Variants in CDYL observed in about 807,000 individuals in gnomAD.
The protein encoded by CDYL is chromodomain Y like.
In CDYL, 8 loss-of-function variants were observed where a neutral mutation model predicts 47.3. The ratio of observed to expected loss-of-function variants is 0.17; its 90% CI spans 0.10 to 0.31. CDYL has a LOEUF of 0.31. Ranked by LOEUF, CDYL falls within the 10% of genes least tolerant of loss-of-function variation. The pLI, the probability that CDYL is intolerant of heterozygous loss-of-function variation, is 1.00. For synonymous variants in CDYL, 266 were observed against 265.0 expected, an observed-to-expected ratio of 1.00 and a Z score of -0.04; for missense variants, 471 against 701.4, an observed-to-expected ratio of 0.67 and a Z score of 3.71.
At chr6:4,802,288 A>C (rs1759248405) in intron 1 of CDYL, among the ~76,000 whole-genome samples, 1 of 152,206 alleles carries the variant, frequency 6.6e-6, no homozygotes, top group Admixed American at 6.5e-5. Context: ...CTGTAATTCC[A>C]GCACTTTGAG....
At chr6:4,932,629 C>CT (rs1554109019) in intron 2 of CDYL, among the ~76,000 whole-genome samples, 1 of 152,226 alleles carries the variant, frequency 6.6e-6, no homozygotes, top group Non-Finnish European at 1.5e-5. Flanking sequence ...GGAGCTCTCA[C>CT]TTGGCATTAC....
chr6:4,904,112 G>A (rs1312753337), intron 2 of CDYL, among the ~76,000 whole-genome samples: 4 of 152,206 alleles, frequency 2.6e-5, no homozygotes, highest in South Asian at 2.1e-4. Context: ...ACCAGAGGCC[G>A]GGCCCCTCGC....
intron 1 of CDYL, among the ~76,000 whole-genome samples, chr6:4,795,885 CT>C (rs138085584): frequency 0.019 from 2,847 of 152,196 alleles, 106 homozygotes; most frequent in African/African-American, 0.065. Context: ...CTAAATGCAG[CT>C]TTTGCTGCAT....
chr6:4,779,114 T>C (rs1758544646), intron 1 of CDYL, among the ~76,000 whole-genome samples: 1 of 152,058 alleles, frequency 6.6e-6, no homozygotes. Context: ...AGGTATAGAG[T>C]TGTATTGTTT....
intron 1 of CDYL, among the ~76,000 whole-genome samples, chr6:4,843,586 G>A (rs539519657): frequency 7.8e-4 from 117 of 150,454 alleles, no homozygotes; most frequent in African/African-American, 2.7e-3. Context: ...AAGCTCTGAA[G>A]TTCTTTATTC....
chr6:4,734,936 A>G lies in CDYL; in HGVS notation c.186+92A>G. 3 of 1,551,556 alleles carry G rather than the reference A, an allele frequency of 1.9e-6. No homozygotes were observed. In the Admixed American group the frequency reaches 5.8e-5, roughly 30 times the overall value. On this transcript the variant is annotated intron_variant, in intron 3 of 8. Coordinates refer to the CDYL transcript ENST00000328908. Reference sequence around the variant, plus strand: ...TCGCCCCACACCACACTCTCCCTTTACATCTGTCCTGTGCTTGGGTCCCTT... The same window carrying G: ...TCGCCCCACACCACACTCTCCCTTTGCATCTGTCCTGTGCTTGGGTCCCTT...
At chr6:4,796,471 C>A (rs1202209444) in intron 1 of CDYL, among the ~76,000 whole-genome samples, 1 of 151,532 alleles carries the variant, frequency 6.6e-6, no homozygotes, top group East Asian at 1.9e-4. Flanking sequence ...TTTACTATAC[C>A]CTTCATTGTT....
intron 1 of CDYL, among the ~76,000 whole-genome samples, chr6:4,837,480 T>G (rs545901641): frequency 1.1e-4 from 17 of 151,352 alleles, no homozygotes; most frequent in African/African-American, 3.9e-4. Context: ...TTTTTTTTTT[T>G]TGGAGACAGA....
intron 1 of CDYL, among the ~76,000 whole-genome samples, chr6:4,781,048 A>G (rs1758605155): frequency 6.6e-6 from 1 of 152,168 alleles, no homozygotes; most frequent in Non-Finnish European, 1.5e-5. Flanking sequence ...AAATTTCAGT[A>G]AGCTCTCAAT....
At chr6:4,869,767 T>C (rs1053365634) in intron 1 of CDYL, among the ~76,000 whole-genome samples, 1 of 152,192 alleles carries the variant, frequency 6.6e-6, no homozygotes, top group African/African-American at 2.4e-5. Flanking sequence ...TTTATTCATA[T>C]TTATTATACA....
At chr6:4,894,943 G>GTGTA (rs1301233969) in intron 2 of CDYL, among the ~76,000 whole-genome samples, 7 of 15,328 alleles carry the variant, frequency 4.6e-4, no homozygotes, top group East Asian at 8.8e-3. Flanking sequence ...GTGTATATGT[G>GTGTA]TATGCATGTG....
At chr6:4,804,265 C>T (rs1321074539) in intron 1 of CDYL, among the ~76,000 whole-genome samples, 1 of 152,140 alleles carries the variant, frequency 6.6e-6, no homozygotes, top group Non-Finnish European at 1.5e-5. Flanking sequence ...GTTTCACCCA[C>T]GAGAATGGTG....
Position 4,907,385 on chromosome 6 carries a change from G to A in CDYL, c.691+15006G>A, listed in dbSNP as rs555354822. Reference sequence around the variant, plus strand: ...TTTCTTTTTTTCTGAGACAGGGTCCGGCTCCGTCTCATCCAGGCTGGAGTA... The same window carrying A: ...TTTCTTTTTTTCTGAGACAGGGTCCAGCTCCGTCTCATCCAGGCTGGAGTA... On this transcript the variant is annotated intron_variant, in intron 2 of 6. Transcript: ENST00000397588. Among the ~76,000 whole-genome samples the A allele has an allele frequency of 3.1e-4, 47 of 152,182 alleles. 1 individual carries two copies. Among genetic ancestry groups the A allele is most frequent in the Middle Eastern group, 6.8e-3 (2 of 294 alleles).
intron 2 of CDYL, among the ~76,000 whole-genome samples, chr6:4,930,912 G>T (rs534000313): frequency 5.0e-4 from 76 of 152,360 alleles, no homozygotes; most frequent in African/African-American, 1.7e-3. Context: ...TCAACGATGA[G>T]AGTCATCGTT....
chr6:4,949,820 C>T (rs888326260), intron 5 of CDYL, among the ~76,000 whole-genome samples: 1 of 152,206 alleles, frequency 6.6e-6, no homozygotes, highest in Non-Finnish European at 1.5e-5. Context: ...TTGTTGTTTT[C>T]TTGGGTGACT....
intron 3 of CDYL, among the ~76,000 whole-genome samples, chr6:4,738,884 G>A (rs966001569): frequency 7.9e-5 from 12 of 152,180 alleles, no homozygotes; most frequent in African/African-American, 2.2e-4. Context: ...CAATGTGGCC[G>A]GGCGCAGCGG....
chr6:4,740,996 A>T, intron 3 of CDYL, among the ~76,000 whole-genome samples: 1 of 152,266 alleles, frequency 6.6e-6, no homozygotes, highest in Non-Finnish European at 1.5e-5. Context: ...CATGTTGGCC[A>T]GGCTGGTCTC....
chr6:4,739,186 A>T (rs1384458101), intron 3 of CDYL, among the ~76,000 whole-genome samples: 2 of 144,962 alleles, frequency 1.4e-5, no homozygotes, highest in African/African-American at 4.9e-5. Context: ...AAATAATTAA[A>T]TAATAAAAAT....
rs9504255 is a variant in CDYL, at chr6:4,805,997, C to T, written c.24+29190C>T. On this transcript the variant is annotated intron_variant, in intron 1 of 6. Transcript: ENST00000397588. ...GTACAGAGGGGCAGCTGCAGCAAGC[C>T]GCTGGCGCAGGAGCATGAGGAAGGA... is the stretch of plus-strand genomic sequence containing the variant. Among the ~76,000 whole-genome samples, 715 of 152,338 alleles carry T rather than the reference C, an allele frequency of 4.7e-3. 3 individuals carry two copies. The highest frequency in any genetic ancestry group is 0.016 in the African/African-American group (684 of 41,584).
Sources: allele counts gnomAD v4.1 joint callset (sites outside exome capture counted in the v4.1 genomes callset), GRCh38; gene constraint gnomAD v4.1.1; transcripts MANE v1.5; gene names NCBI Gene and HGNC (gene_info 2026-07-23, HGNC 2026-07-21).